Variants in ARID1B observed in about 807,000 individuals in gnomAD.
ARID1B encodes AT-rich interaction domain 1B.
ARID1B carries 30 observed loss-of-function variants against 212.3 expected under a neutral mutation model. The observed-to-expected ratio is 0.14, with a 90% confidence interval of 0.11 to 0.19. ARID1B has a LOEUF of 0.19. Among genes scored for constraint, ARID1B ranks in the 10% least tolerant of loss-of-function variants. ARID1B has a pLI of 1.00. For missense variants in ARID1B, 2,891 were observed against 3,204.0 expected, an observed-to-expected ratio of 0.90 and a Z score of 2.36; for synonymous variants, 1,402 against 1,301.7, an observed-to-expected ratio of 1.08 and a Z score of -1.66.
chr6:157,005,566 T>G (rs746532029), intron 4 of ARID1B, among the ~76,000 whole-genome samples: 13 of 152,064 alleles, frequency 8.5e-5, no homozygotes, highest in Non-Finnish European at 1.5e-4. Context: ...AAGCCCAGAG[T>G]AGGCAAGTAA....
intron 8 of ARID1B, among the ~76,000 whole-genome samples, chr6:157,158,494 TTAGA>T (rs1790710435): frequency 6.6e-6 from 1 of 152,120 alleles, no homozygotes; most frequent in Non-Finnish European, 1.5e-5. Context: ...GGCATGAGAG[TTAGA>T]TAGAACGCAT....
At chr6:157,178,513 C>T (rs1238010675) in intron 11 of ARID1B, among the ~76,000 whole-genome samples, 1 of 152,200 alleles carries the variant, frequency 6.6e-6, no homozygotes, top group African/African-American at 2.4e-5. Context: ...AGTGAGCCAG[C>T]CTCGGGAGGC....
intron 2 of ARID1B, among the ~76,000 whole-genome samples, chr6:156,839,696 G>T (rs1227129515): frequency 1.3e-5 from 2 of 152,166 alleles, no homozygotes; most frequent in African/African-American, 4.8e-5. Flanking sequence ...ATGTATCACA[G>T]CACACTTCCA....
At chr6:156,990,593 A>G (rs1475762981) in intron 4 of ARID1B, among the ~76,000 whole-genome samples, 1 of 152,086 alleles carries the variant, frequency 6.6e-6, no homozygotes, top group East Asian at 1.9e-4. Flanking sequence ...GTGAGCCGAG[A>G]TCGCACCACT....
At chr6:157,022,332 C>T (rs1270041701) in intron 4 of ARID1B, 2 of 152,286 alleles carry the variant, frequency 1.3e-5, no homozygotes, top group African/African-American at 4.8e-5. Flanking sequence ...ATCAACCTTC[C>T]TTGCTGGGAA....
In ARID1B at chr6:157,148,957, C is replaced by A. The variant is rs1203684217; in HGVS notation, c.3089+6C>A. On this transcript the variant is annotated splice_donor_region_variant and intron_variant, in intron 8 of 19. Transcript: ENST00000636930. The surrounding 1 kb of genome is among the most constrained non-coding windows in gnomAD (Gnocchi z 5.6). Reference sequence around the variant, plus strand: ...GCGAACTCAGCACAAAGCAGGTACGCCACCCAGGAGCACGCCCCGGGCAGG... The same window carrying A: ...GCGAACTCAGCACAAAGCAGGTACGACACCCAGGAGCACGCCCCGGGCAGG... 6.2e-7 allele frequency: 1 copy of A among 1,606,882 alleles called. No individual in the cohort carries two copies. The highest frequency in any genetic ancestry group is 8.5e-7 in the Non-Finnish European group (1 of 1,175,578).
intron 4 of ARID1B, among the ~76,000 whole-genome samples, chr6:157,013,671 G>T (rs1447459803): frequency 6.6e-6 from 1 of 152,202 alleles, no homozygotes; most frequent in Non-Finnish European, 1.5e-5. Context: ...GGTTGAATGT[G>T]TACTGAAGGT....
chr6:157,084,600 G>A lies in ARID1B; in HGVS notation c.2248-62G>A, dbSNP rs538142359. 675 of 1,554,082 alleles carry A rather than the reference G, an allele frequency of 4.3e-4. 1 individual carries two copies. In the Middle Eastern group the frequency reaches 4.7e-3, roughly 11 times the overall value. On this transcript the variant is annotated intron_variant, in intron 4 of 19. Transcript: ENST00000636930. The stretch of plus-strand genomic sequence containing the variant: ...GGGACGTCATTATGATTTTCAAGTC[G>A]TCTTTTGATGAGATATTCATCCAAA...
intron 13 of ARID1B, among the ~76,000 whole-genome samples, chr6:157,186,941 A>G (rs1459323732): frequency 1.3e-5 from 2 of 152,212 alleles, no homozygotes; most frequent in African/African-American, 4.8e-5. Context: ...TCTGGGAGGC[A>G]TAAGCCCCTT....
intron 4 of ARID1B, chr6:157,071,618 G>A (rs1019345258): frequency 3.9e-5 from 6 of 152,238 alleles, no homozygotes; most frequent in African/African-American, 1.4e-4. Context: ...ACCTGTACCT[G>A]AAGCAGTGGT....
At chr6:157,087,154 G>C (rs796199110) in intron 5 of ARID1B, among the ~76,000 whole-genome samples, 27 of 152,242 alleles carry the variant, frequency 1.8e-4, no homozygotes, top group African/African-American at 6.3e-4. Context: ...GGCAGCAAAA[G>C]CTCCACCTTT....
At chr6:157,189,605 G>A in intron 13 of ARID1B, 37 bp from the exon 14 acceptor site, 1 of 1,573,762 alleles carries the variant, frequency 6.4e-7, no homozygotes, top group South Asian at 1.2e-5. Context: ...ATAATCTCTG[G>A]ATTTCTTCCT....
chr6:157,047,145 TA>T (rs1782291242), intron 4 of ARID1B, among the ~76,000 whole-genome samples: 1 of 152,212 alleles, frequency 6.6e-6, no homozygotes, highest in South Asian at 2.1e-4. Flanking sequence ...ACTAGGACTC[TA>T]ATATCATTTT....
intron 4 of ARID1B, among the ~76,000 whole-genome samples, chr6:156,968,832 C>T (rs1776714259): frequency 6.6e-6 from 1 of 152,252 alleles, no homozygotes; most frequent in East Asian, 1.9e-4. Context: ...AGATCATGTA[C>T]TACAGTGCCT....
chr6:157,042,852 G>A (rs1008036387), intron 4 of ARID1B, among the ~76,000 whole-genome samples: 1 of 151,972 alleles, frequency 6.6e-6, no homozygotes, highest in Non-Finnish European at 1.5e-5. Context: ...GTAGAGATGG[G>A]TTTTTACCAT....
Position 156,779,385 on chromosome 6 carries a change from G to T in ARID1B, c.1705G>T (p.Ala569Ser). 1 of 1,402,664 alleles carries T rather than the reference G, an allele frequency of 7.1e-7. No individual in the cohort carries two copies. Among genetic ancestry groups the T allele is most frequent in the Non-Finnish European group, 9.3e-7 (1 of 1,072,482 alleles). The allele number at this position is 1,402,664 out of a possible 1,614,324, so 86.9% of individuals were successfully genotyped here. A position where few individuals can be genotyped will look rare whatever the true frequency, so the allele number is the denominator to read the frequency against. Residue 569 changes from alanine to serine, a missense_variant, in exon 1 of 20, where the codon GCC (alanine) becomes TCC (serine). This residue lies in a region of ARID1B where 1,643 missense variants were observed against 1,544.0 expected (regional missense o/e 1.06). Coordinates refer to ENST00000636930, the MANE Select transcript of ARID1B (RefSeq NM_001374828.1). Reference sequence around the variant, plus strand: ...GGACATGGGCGCCCAGTACGCCGCTGCCAGCCCGGCCTGGGCGGCCGCGCA... The same window carrying T: ...GGACATGGGCGCCCAGTACGCCGCTTCCAGCCCGGCCTGGGCGGCCGCGCA... ...GKDMGAQYAA[A>S]SPAWAAAQQR...
intron 4 of ARID1B, among the ~76,000 whole-genome samples, chr6:156,959,624 T>C (rs1455502809): frequency 6.6e-6 from 1 of 152,204 alleles, no homozygotes; most frequent in Non-Finnish European, 1.5e-5. Flanking sequence ...TATTAAAATA[T>C]TTTTAATAAA....
chr6:156,779,207 C>T lies in ARID1B; in HGVS notation c.1527C>T (p.Pro509=), dbSNP rs1480833557. 1.5e-6 allele frequency: 2 copies of T among 1,328,450 alleles called. No individual in the cohort carries two copies. The highest frequency in any genetic ancestry group is 9.7e-7 in the Non-Finnish European group (1 of 1,030,812). The allele number at this position is 1,328,450 out of a possible 1,614,324, so 82.3% of individuals were successfully genotyped here. ...CCCTCAATCAGCTGCTCACCTCGCC[C>T]AGCCCCATGATGCGGAGCTACGGCG... The part of the protein sequence containing the change: ...TPTLNQLLTS[P]SPMMRSYGGS... Residue 509 remains proline (P), a synonymous_variant, in exon 1 of 20, where the codon CCC becomes CCT. Coordinates refer to ENST00000636930, the MANE Select transcript of ARID1B (RefSeq NM_001374828.1).
chr6:157,133,756 A>G (rs1184963803), intron 7 of ARID1B, among the ~76,000 whole-genome samples: 1 of 152,218 alleles, frequency 6.6e-6, no homozygotes, highest in Non-Finnish European at 1.5e-5. Flanking sequence ...TGAAATGGTT[A>G]CATGTCTTTC....
Sources: gnomAD v4.1 joint callset for allele counts (sites outside exome capture counted in the v4.1 genomes callset) on GRCh38, gnomAD v4.1.1 for gene constraint, gnomAD v4.1.1 regional missense constraint, Gnocchi (gnomAD v3.1) non-coding constraint, MANE v1.5 for transcripts, NCBI Gene and HGNC (gene_info 2026-07-23, HGNC 2026-07-21) for gene names.